CLEC16A: variants seen among roughly 807,000 people sequenced by gnomAD.
CLEC16A encodes the protein C-type lectin domain containing 16A, also known as protein CLEC16A.
In CLEC16A, 51 loss-of-function variants were observed where a neutral mutation model predicts 109.5. The observed-to-expected ratio is 0.47, with a 90% CI of 0.37 to 0.59. The LOEUF (loss-of-function observed/expected upper bound fraction) is 0.59. Among genes scored for constraint, CLEC16A ranks in the 20% least tolerant of loss-of-function variants. The pLI is 0.00. For missense variants in CLEC16A, 1,339 were observed against 1,394.0 expected (o/e 0.96, Z 0.63); for synonymous variants, 673 against 564.2 (o/e 1.19, Z -2.73).
At chr16:11,033,477 GA>G (rs1219665451) in intron 13 of CLEC16A, among the ~76,000 whole-genome samples, 5 of 152,158 alleles carry the variant, frequency 3.3e-5, no homozygotes, top group African/African-American at 1.2e-4. Flanking sequence ...CCTCGTGGGG[GA>G]GCTGCCACCT....
At chr16:11,143,919 C>T (rs1043528026) in intron 22 of CLEC16A, among the ~76,000 whole-genome samples, 9 of 152,154 alleles carry the variant, frequency 5.9e-5, no homozygotes, top group African/African-American at 2.2e-4. Flanking sequence ...TGGCCTCCTG[C>T]TCTGTGTTCT....
intron 19 of CLEC16A, among the ~76,000 whole-genome samples, chr16:11,066,298 G>A (rs1486513758): frequency 6.6e-6 from 1 of 152,068 alleles, no homozygotes; most frequent in Non-Finnish European, 1.5e-5. Context: ...AAAGAGGGAC[G>A]GGACAGTCTG....
intron 11 of CLEC16A, among the ~76,000 whole-genome samples, chr16:11,003,813 A>G (rs2044818660): frequency 6.6e-6 from 1 of 151,994 alleles, no homozygotes; most frequent in Admixed American, 6.6e-5. Context: ...GCACTGCGGG[A>G]AGAAAGAGGA....
intron 18 of CLEC16A, among the ~76,000 whole-genome samples, chr16:11,055,785 C>A (rs982973632): frequency 2.0e-5 from 3 of 151,622 alleles, no homozygotes; most frequent in Non-Finnish European, 4.4e-5. Flanking sequence ...TGGGTTTCCC[C>A]AGTCTGTTGG....
chr16:11,057,196 G>A (rs934692087), intron 18 of CLEC16A, among the ~76,000 whole-genome samples: 15 of 152,010 alleles, frequency 9.9e-5, no homozygotes, highest in African/African-American at 2.4e-4. Flanking sequence ...AAACTGCTTC[G>A]GCCCTCTTTT....
In CLEC16A at chr16:11,120,671, C is replaced by T. The variant is rs1443925943; in HGVS notation, c.2173C>T (p.Arg725Ter). 1.2e-6 allele frequency: 2 copies of T among 1,612,652 alleles called. No homozygotes were observed. Among genetic ancestry groups the T allele is most frequent in the Non-Finnish European group, 1.7e-6 (2 of 1,179,412 alleles). The change falls in exon 20 of 24, where the codon CGA becomes TGA. Residue 725 changes from arginine to a stop codon, truncating the protein, a stop_gained. Transcript: ENST00000409790. LOFTEE classifies it high-confidence loss of function. Reference sequence around the variant, plus strand: ...CACCAAGGATGGCGGCATGGTCCAGCGATTCCTGGCTGTGGATATTTACCA... The same window carrying T: ...CACCAAGGATGGCGGCATGGTCCAGTGATTCCTGGCTGTGGATATTTACCA... ...VITKDGGMVQ[R>*]FLAVDIYQMS...
chr16:11,005,396 G>A (rs1008591527), intron 11 of CLEC16A, among the ~76,000 whole-genome samples: 4 of 152,134 alleles, frequency 2.6e-5, no homozygotes, highest in African/African-American at 7.2e-5. Context: ...TAGCCAGATC[G>A]TGCCACACAG....
intron 22 of CLEC16A, among the ~76,000 whole-genome samples, chr16:11,165,029 G>GC (rs912934692): frequency 4.5e-4 from 69 of 152,058 alleles, no homozygotes; most frequent in African/African-American, 1.4e-3. Context: ...AGGAGGACTC[G>GC]CCCCCCCATA....
At chr16:11,141,565 G>A (rs1013214185) in intron 22 of CLEC16A, among the ~76,000 whole-genome samples, 9 of 152,374 alleles carry the variant, frequency 5.9e-5, no homozygotes, top group African/African-American at 1.9e-4. Flanking sequence ...GCTCTGGGTG[G>A]CCTCGGGGCC....
intron 12 of CLEC16A, among the ~76,000 whole-genome samples, chr16:11,020,562 C>T (rs540453649): frequency 2.6e-5 from 4 of 152,352 alleles, no homozygotes; most frequent in African/African-American, 9.6e-5. Flanking sequence ...GCAACTCTCT[C>T]CCTGCCCTGC....
intron 19 of CLEC16A, among the ~76,000 whole-genome samples, chr16:11,108,102 C>T (rs974487105): frequency 6.6e-6 from 1 of 152,230 alleles, no homozygotes; most frequent in Non-Finnish European, 1.5e-5. Context: ...GGCTGATTCC[C>T]CAAGTGTCCA....
At chr16:10,970,725 A>G (rs775225386) in intron 4 of CLEC16A, among the ~76,000 whole-genome samples, 4 of 152,188 alleles carry the variant, frequency 2.6e-5, no homozygotes, top group East Asian at 3.9e-4. Flanking sequence ...GATTACTACT[A>G]CTACCACTAC....
At chr16:11,158,123 G>A (rs941645485) in intron 22 of CLEC16A, among the ~76,000 whole-genome samples, 10 of 152,222 alleles carry the variant, frequency 6.6e-5, no homozygotes, top group African/African-American at 2.4e-4. Flanking sequence ...GACAAGGGGA[G>A]AAATAAGGCC....
At position 11,120,643 on chromosome 16, in the gene CLEC16A, G is replaced by A. The variant is rs767256106; in HGVS notation, c.2145G>A (p.Val715=). ...LNNSDLIACT[V]ITKDGGMVQR... is the part of the protein sequence containing the mutation. ...ACAGCGACTTGATTGCATGTACAGT[G>A]ATCACCAAGGATGGCGGCATGGTCC... The change falls in exon 20 of 24, where the codon GTG becomes GTA. Residue 715 remains valine (V), a synonymous_variant. Transcript: ENST00000409790. The A allele has an allele frequency of 6.8e-6, 11 of 1,612,930 alleles. No homozygotes were observed. In the East Asian group the frequency reaches 2.2e-4, roughly 33 times the overall value.
intron 19 of CLEC16A, among the ~76,000 whole-genome samples, chr16:11,105,752 A>G (rs2051179619): frequency 1.3e-5 from 2 of 152,290 alleles, no homozygotes; most frequent in East Asian, 3.9e-4. Context: ...TCAGTTAGTT[A>G]TTGCTCCTGG....
intron 19 of CLEC16A, among the ~76,000 whole-genome samples, chr16:11,090,046 C>G (rs556305863): frequency 2.0e-5 from 3 of 152,220 alleles, no homozygotes; most frequent in African/African-American, 7.2e-5. Flanking sequence ...TCTGCTTGGT[C>G]GTTGTTTATT....
chr16:11,033,585 C>T (rs1027896041), intron 13 of CLEC16A, among the ~76,000 whole-genome samples: 4 of 152,142 alleles, frequency 2.6e-5, no homozygotes, highest in African/African-American at 9.7e-5. Flanking sequence ...GGTTATGCAG[C>T]AGCTGATCAG....
At chr16:11,008,846 A>G (rs919598875) in intron 11 of CLEC16A, among the ~76,000 whole-genome samples, 57 of 150,720 alleles carry the variant, frequency 3.8e-4, no homozygotes, top group Non-Finnish European at 7.1e-4. Flanking sequence ...AAAAAAAAAA[A>G]AAACTAGCCA....
intron 17 of CLEC16A, among the ~76,000 whole-genome samples, chr16:11,049,096 C>G (rs2047791230): frequency 6.6e-6 from 1 of 151,994 alleles, no homozygotes; most frequent in Non-Finnish European, 1.5e-5. Flanking sequence ...CAACCTCTGC[C>G]TCTTGGGTTC....
Sources: gnomAD v4.1 joint callset for allele counts (sites outside exome capture counted in the v4.1 genomes callset) on GRCh38, gnomAD v4.1.1 for gene constraint, MANE v1.5 for transcripts, NCBI Gene and HGNC (gene_info 2026-07-23, HGNC 2026-07-21) for gene names.